The following SEC14L5 variants were observed in gnomAD, a reference collection of about 807,000 sequenced individuals.
SEC14L5 encodes SEC14 like lipid binding 5, also known as SEC14-like protein 5.
SEC14L5 carries 96 observed loss-of-function variants against 84.6 expected under a neutral mutation model. The ratio of observed to expected loss-of-function variants is 1.13; its 90% CI spans 0.96 to 1.34. The LOEUF is 1.34. Ranked by LOEUF, SEC14L5 falls within the 40% of genes most tolerant of loss-of-function variation. SEC14L5 has a pLI of 0.00. For synonymous variants in SEC14L5, 546 were observed against 383.4 expected, an observed-to-expected ratio of 1.42 and a Z score of -4.95; for missense variants, 1,224 against 942.5, an observed-to-expected ratio of 1.30 and a Z score of -3.91.
chr16:5,007,558 C>G, intron 13 of SEC14L5, 72 bp downstream of exon 13: 1 of 1,287,536 alleles, frequency 7.8e-7, no homozygotes, highest in Non-Finnish European at 1.1e-6. Flanking sequence ...GACCCCAAAA[C>G]ACAGCTTGAG....
intron 14 of SEC14L5, chr16:5,010,862 G>A (rs1380175827): frequency 4.6e-5 from 23 of 498,512 alleles, no homozygotes; most frequent in Admixed American, 1.6e-4. Context: ...ACCCCCAGGC[G>A]TCAGCTCCTC....
chr16:4,996,117 C>T (rs1336728626), intron 6 of SEC14L5, among the ~76,000 whole-genome samples: 6 of 152,146 alleles, frequency 3.9e-5, no homozygotes, highest in Non-Finnish European at 8.8e-5. Flanking sequence ...TCCCATCTCA[C>T]AGTGAGATCC....
intron 5 of SEC14L5, 128 bp downstream of exon 5, chr16:4,991,023 T>C (rs1338217135): frequency 4.6e-6 from 3 of 655,104 alleles, no homozygotes; most frequent in African/African-American, 1.9e-5. Context: ...ATGGGTACTC[T>C]AGTAATGACC....
intron 10 of SEC14L5, among the ~76,000 whole-genome samples, chr16:5,002,039 G>T (rs973955617): frequency 6.6e-6 from 1 of 152,202 alleles, no homozygotes; most frequent in African/African-American, 2.4e-5. Flanking sequence ...CAAAGGGTTG[G>T]GATTACAGGC....
At position 4,991,944 on chromosome 16, in the gene SEC14L5, A is replaced by G. The variant is rs1274415259; in HGVS notation, c.581A>G (p.Gln194Arg). The stretch of plus-strand genomic sequence containing the variant: ...GTCCGTGAGGAGGATGCCCGCAACC[A>G]GGCTGGACCGAGGGACCCCAGCTCC... Reference protein sequence around the residue: ...APVREEDARNQAGPRDPSSLE... With the variant: ...APVREEDARNRAGPRDPSSLE... The change falls in exon 6 of 16, where the codon CAG (glutamine) becomes CGG (arginine). Residue 194 changes from glutamine (Q) to arginine (R), a missense_variant. By Grantham distance (43) the Gln-to-Arg change is conservative (BLOSUM62 1). Transcript: ENST00000251170. 4 of 1,600,858 alleles carry G rather than the reference A, an allele frequency of 2.5e-6. No individual in the cohort carries two copies. The African/African-American group carries it at 4.0e-5, about 16-fold the overall frequency.
intron 11 of SEC14L5, among the ~76,000 whole-genome samples, chr16:5,004,191 C>G (rs1469471910): frequency 6.6e-6 from 1 of 152,100 alleles, no homozygotes; most frequent in Non-Finnish European, 1.5e-5. Context: ...CAATAGGGAC[C>G]CATGGAGGGT....
chr16:4,970,658 T>A (rs1955263964), intron 2 of SEC14L5, among the ~76,000 whole-genome samples: 2 of 152,048 alleles, frequency 1.3e-5, no homozygotes, highest in South Asian at 4.1e-4. Flanking sequence ...GACACGTGAG[T>A]GAGACTCTGC....
intron 2 of SEC14L5, among the ~76,000 whole-genome samples, chr16:4,982,031 C>T (rs1263698340): frequency 6.6e-6 from 1 of 152,160 alleles, no homozygotes; most frequent in African/African-American, 2.4e-5. Flanking sequence ...ATGGTGCATT[C>T]TCTGGGGGAA....
At chr16:4,960,216 TG>T (rs1291254278) in intron 2 of SEC14L5, among the ~76,000 whole-genome samples, 8 of 152,196 alleles carry the variant, frequency 5.3e-5, no homozygotes, top group African/African-American at 1.9e-4. Context: ...CTCAGTAACA[TG>T]GGGACAATGC....
chr16:4,989,197 C>T (rs1955526264), intron 4 of SEC14L5, among the ~76,000 whole-genome samples: 1 of 152,220 alleles, frequency 6.6e-6, no homozygotes, highest in African/African-American at 2.4e-5. Flanking sequence ...CGTTGGGCCA[C>T]ACTGTCTGTA....
At chr16:4,967,062 C>G (rs962179587) in intron 2 of SEC14L5, among the ~76,000 whole-genome samples, 6 of 152,246 alleles carry the variant, frequency 3.9e-5, no homozygotes, top group Non-Finnish European at 1.5e-5. Flanking sequence ...GTCCAGGAGA[C>G]TGTCCCTCAG....
intron 8 of SEC14L5, among the ~76,000 whole-genome samples, chr16:4,997,587 T>G (rs1201643667): frequency 6.6e-6 from 1 of 152,176 alleles, no homozygotes; most frequent in Non-Finnish European, 1.5e-5. Flanking sequence ...TCACAATAAT[T>G]GTGATCGTAA....
chr16:4,970,371 A>C (rs1955260094), intron 2 of SEC14L5, among the ~76,000 whole-genome samples: 1 of 152,162 alleles, frequency 6.6e-6, no homozygotes, highest in African/African-American at 2.4e-5. Context: ...AATGGGGCAG[A>C]ACTTGTCTCT....
At position 5,014,919 on chromosome 16, in the gene SEC14L5, C is replaced by CTCG. The variant is rs746284205; in HGVS notation, c.2043_2045dup (p.Ser685dup). 7 of 1,613,176 alleles carry CTCG rather than the reference C, an allele frequency of 4.3e-6. No individual in the cohort carries two copies. In the South Asian group the frequency reaches 5.5e-5, roughly 13 times the overall value. ...GCTTCTCCCAGCTCAGCGCCGCCAC[C>CTCG]TCGTCCTCCTCCTCCGGCCAGTCTC... On this transcript the variant is annotated inframe_insertion, in exon 16 of 16. Coordinates refer to ENST00000251170, the MANE Select transcript of SEC14L5 (RefSeq NM_014692.2).
intron 2 of SEC14L5, among the ~76,000 whole-genome samples, chr16:4,970,494 C>T (rs778969125): frequency 6.6e-6 from 1 of 152,186 alleles, no homozygotes; most frequent in African/African-American, 2.4e-5. Context: ...TCCTGAGACA[C>T]TTGGAAAATT....
intron 2 of SEC14L5, among the ~76,000 whole-genome samples, chr16:4,971,543 G>C (rs913699969): frequency 2.0e-5 from 3 of 152,158 alleles, no homozygotes; most frequent in African/African-American, 7.2e-5. Context: ...CTGATTCATT[G>C]TTTAATCCCT....
At chr16:5,010,701 G>T (rs1021698520) in intron 14 of SEC14L5, among the ~76,000 whole-genome samples, 2 of 152,076 alleles carry the variant, frequency 1.3e-5, no homozygotes, top group African/African-American at 4.8e-5. Flanking sequence ...CACTCTCCCT[G>T]ATCCCTCCAC....
chr16:5,000,654 G>A lies in SEC14L5; in HGVS notation c.971-1G>A. ...CTTTCTGCTTGGCCCCATCCACAAA[G>A]ATGGCCGCCCCCTCTACATCCTCCG... On this transcript the variant is annotated splice_acceptor_variant, in intron 8 of 15. Transcript: ENST00000251170. LOFTEE classifies it high-confidence loss of function. 1 of 1,551,056 alleles carries A rather than the reference G, an allele frequency of 6.4e-7. No homozygotes were observed. Among genetic ancestry groups the A allele is most frequent in the Non-Finnish European group, 8.7e-7 (1 of 1,146,838 alleles).
At chr16:5,009,107 G>A (rs923867688) in intron 14 of SEC14L5, among the ~76,000 whole-genome samples, 1 of 152,186 alleles carries the variant, frequency 6.6e-6, no homozygotes, top group Non-Finnish European at 1.5e-5. Context: ...AGGCTGTAGG[G>A]AGGGGTTCAT....
Sources: gnomAD v4.1 joint callset for allele counts (sites outside exome capture counted in the v4.1 genomes callset) on GRCh38, gnomAD v4.1.1 for gene constraint, MANE v1.5 for transcripts, NCBI Gene and HGNC (gene_info 2026-07-23, HGNC 2026-07-21) for gene names.